The following NRXN3 variants were observed in gnomAD, a reference collection of about 807,000 sequenced individuals.
The protein encoded by NRXN3 is neurexin III.
NRXN3 carries 32 observed loss-of-function variants against 137.6 expected under a neutral mutation model. The ratio of observed to expected loss-of-function variants is 0.23; its 90% CI spans 0.18 to 0.31. The LOEUF is 0.31. Among genes scored for constraint, NRXN3 ranks in the 10% least tolerant of loss-of-function variants. The pLI is 1.00. For missense variants in NRXN3, 1,574 were observed against 2,062.5 expected, an observed-to-expected ratio of 0.76 and a Z score of 4.59; for synonymous variants, 798 against 784.5, an observed-to-expected ratio of 1.02 and a Z score of -0.29.
chr14:79,471,837 A>G (rs2096512754), intron 16 of NRXN3, among the ~76,000 whole-genome samples: 1 of 152,140 alleles, frequency 6.6e-6, no homozygotes. Context: ...TTCTTCTTTT[A>G]TGTATGTATT....
At chr14:78,321,853 C>T (rs1368226426) in intron 4 of NRXN3, among the ~76,000 whole-genome samples, 1 of 152,026 alleles carries the variant, frequency 6.6e-6, no homozygotes, top group Non-Finnish European at 1.5e-5. Context: ...CTGTTGTGTG[C>T]TGGGCGTCGG....
intron 19 of NRXN3, among the ~76,000 whole-genome samples, chr14:79,769,709 C>A (rs963111240): frequency 6.6e-6 from 1 of 151,952 alleles, no homozygotes; most frequent in Non-Finnish European, 1.5e-5. Context: ...GAAGAAACTG[C>A]ATCAACTAAC....
chr14:78,942,652 T>C (rs2099355368), intron 10 of NRXN3, among the ~76,000 whole-genome samples: 1 of 151,948 alleles, frequency 6.6e-6, no homozygotes, highest in Non-Finnish European at 1.5e-5. Flanking sequence ...ACAGAGAGAT[T>C]TGATAAAAGA....
At chr14:79,491,492 T>C (rs1215058074) in intron 16 of NRXN3, among the ~76,000 whole-genome samples, 1 of 152,198 alleles carries the variant, frequency 6.6e-6, no homozygotes, top group African/African-American at 2.4e-5. Flanking sequence ...GGGGAAACCA[T>C]TAGTGCTTAG....
chr14:78,179,534 C>G (rs757455621), intron 1 of NRXN3, among the ~76,000 whole-genome samples: 1 of 152,142 alleles, frequency 6.6e-6, no homozygotes, highest in African/African-American at 2.4e-5. Flanking sequence ...GGGCCCCAAG[C>G]TGGAGTCAGC....
intron 4 of NRXN3, among the ~76,000 whole-genome samples, chr14:78,476,613 A>G (rs2095383435): frequency 2.0e-5 from 3 of 152,286 alleles, no homozygotes; most frequent in South Asian, 2.1e-4. Context: ...TTCCATTTAA[A>G]TATTGTCTAG....
chr14:78,526,577 G>A (rs566596901), intron 4 of NRXN3, among the ~76,000 whole-genome samples: 1 of 152,188 alleles, frequency 6.6e-6, no homozygotes. Context: ...GGTGACCTTA[G>A]GTTCTTCTGT....
chr14:78,845,195 T>C (rs921412956), intron 10 of NRXN3, among the ~76,000 whole-genome samples: 19 of 152,094 alleles, frequency 1.2e-4, no homozygotes. Context: ...TTAATTGAAC[T>C]GTACTTTCTA....
chr14:79,742,803 G>C (rs867183640), intron 19 of NRXN3, among the ~76,000 whole-genome samples: 1 of 152,132 alleles, frequency 6.6e-6, no homozygotes, highest in Admixed American at 6.6e-5. Flanking sequence ...TTAAACTAAC[G>C]TATGCTTTAT....
intron 15 of NRXN3, among the ~76,000 whole-genome samples, chr14:79,366,706 A>G (rs1047896854): frequency 6.6e-6 from 1 of 152,216 alleles, no homozygotes; most frequent in Non-Finnish European, 1.5e-5. Flanking sequence ...TCTACCAAGA[A>G]GCCCAAAGAA....
At chr14:78,757,387 G>A (rs939135317) in intron 8 of NRXN3, among the ~76,000 whole-genome samples, 3 of 146,566 alleles carry the variant, frequency 2.0e-5, no homozygotes, top group South Asian at 2.2e-4. Context: ...CAGCCTGGGC[G>A]ACAGAGAGAG....
At chr14:78,257,464 C>T (rs9630366) in intron 2 of NRXN3, among the ~76,000 whole-genome samples, 2,521 of 152,318 alleles carry the variant, frequency 0.017, 29 homozygotes, top group African/African-American at 0.023. Flanking sequence ...TAAAAGGGAG[C>T]ATGTTACCAT....
At chr14:78,719,179 C>G (rs574508934) in intron 8 of NRXN3, among the ~76,000 whole-genome samples, 1 of 152,320 alleles carries the variant, frequency 6.6e-6, no homozygotes, top group South Asian at 2.1e-4. Flanking sequence ...TAAACATATC[C>G]TGGCATTCAT....
intron 18 of NRXN3, among the ~76,000 whole-genome samples, chr14:79,694,315 C>G (rs2098726940): frequency 6.6e-6 from 1 of 151,950 alleles, no homozygotes; most frequent in Admixed American, 6.6e-5. Flanking sequence ...TTGTGCAACA[C>G]TGACTGGAGA....
At chr14:79,487,080 C>T (rs989436585) in intron 16 of NRXN3, among the ~76,000 whole-genome samples, 2 of 151,998 alleles carry the variant, frequency 1.3e-5, no homozygotes, top group Non-Finnish European at 2.9e-5. Context: ...GATCCTATCA[C>T]TGAATAGCAG....
At chr14:78,301,309 G>A (rs544216954) in intron 4 of NRXN3, among the ~76,000 whole-genome samples, 1 of 152,314 alleles carries the variant, frequency 6.6e-6, no homozygotes, top group East Asian at 1.9e-4. Flanking sequence ...CAGTCAGGAG[G>A]AAGAGGAGAA....
At chr14:79,613,557 T>A (rs1806844252) in intron 16 of NRXN3, among the ~76,000 whole-genome samples, 1 of 152,238 alleles carries the variant, frequency 6.6e-6, no homozygotes, top group African/African-American at 2.4e-5. Context: ...TAGGTTCTCT[T>A]ATTACAAGTA....
chr14:79,603,780 G>A (rs1459456026), intron 16 of NRXN3, among the ~76,000 whole-genome samples: 1 of 152,056 alleles, frequency 6.6e-6, no homozygotes, highest in Non-Finnish European at 1.5e-5. Flanking sequence ...ACAACCAAAG[G>A]AAAATGAATT....
At position 79,761,591 on chromosome 14, in the gene NRXN3, G is replaced by T. The variant is rs573654013; in HGVS notation, c.4015-43521G>T. Among the ~76,000 whole-genome samples the T allele has an allele frequency of 1.5e-3, 230 of 149,976 alleles. 2 individuals are homozygous for T. Among genetic ancestry groups the T allele is most frequent in the Non-Finnish European group, 1.4e-3 (94 of 67,900 alleles). On this transcript the variant is annotated intron_variant, in intron 19 of 20. Transcript: ENST00000335750. ...GCCTGTAGTCTCAGCTACTCGGGAG[G>T]CTGAGGCAGGAGAATGGCGTGAACC...
Sources: gnomAD v4.1 joint callset for allele counts (sites outside exome capture counted in the v4.1 genomes callset) on GRCh38, gnomAD v4.1.1 for gene constraint, MANE v1.5 for transcripts, NCBI Gene and HGNC (gene_info 2026-07-23, HGNC 2026-07-21) for gene names.